NCK1: variants seen among roughly 807,000 people sequenced by gnomAD.
NCK1 encodes the protein SH2/SH3 adapter protein NCK1.
Under a neutral mutation model 36.6 loss-of-function variants are expected in NCK1, and 19 were observed. The ratio of observed to expected loss-of-function variants is 0.52; its 90% CI spans 0.36 to 0.76. The LOEUF is 0.76. Ranked by LOEUF, NCK1 falls within the 30% of genes least tolerant of loss-of-function variation. NCK1 has a pLI of 0.00. For missense variants in NCK1, 358 were observed against 445.6 expected (o/e 0.80, Z 1.77); for synonymous variants, 165 against 156.0 (o/e 1.06, Z -0.43).
chr3:136,917,049 A>G (rs1939984671), intron 1 of NCK1, among the ~76,000 whole-genome samples: 1 of 152,232 alleles, frequency 6.6e-6, no homozygotes, highest in Admixed American at 6.5e-5. Flanking sequence ...TTTGTAATTT[A>G]TCAAATGTAT....
At chr3:136,868,302 C>G (rs1560029170) in intron 1 of NCK1, among the ~76,000 whole-genome samples, 1 of 152,130 alleles carries the variant, frequency 6.6e-6, no homozygotes, top group Admixed American at 6.5e-5. Flanking sequence ...ACACCATTAA[C>G]AAAAATAATA....
intron 1 of NCK1, among the ~76,000 whole-genome samples, chr3:136,921,158 A>G (rs1940097584): frequency 6.6e-6 from 1 of 152,240 alleles, no homozygotes; most frequent in Non-Finnish European, 1.5e-5. Context: ...ATCTATTTCC[A>G]GAATAATCTT....
rs576819070 is a variant in NCK1 at position 136,950,036 on chromosome 3, C to A, written c.*1583C>A. Among the ~76,000 whole-genome samples the A allele has an allele frequency of 4.1e-4, 63 of 152,132 alleles. 1 individual carries two copies. The South Asian group carries it at 0.013, about 31-fold the overall frequency. The stretch of plus-strand genomic sequence containing the variant: ...ATTCTATTATTTTTCTAACTCAGTA[C>A]TCCTTTGTTGAGGGTAATTATTAGT... On this transcript the variant is annotated 3_prime_UTR_variant, in exon 4 of 4. Coordinates refer to ENST00000481752, the MANE Select transcript of NCK1 (RefSeq NM_001291999.2).
intron 1 of NCK1, among the ~76,000 whole-genome samples, chr3:136,883,005 G>A (rs1006032864): frequency 7.2e-5 from 11 of 152,042 alleles, no homozygotes; most frequent in East Asian, 1.9e-4. Flanking sequence ...TGCAACCTCC[G>A]CCTCCTGGGT....
chr3:136,867,534 C>T (rs565444170), intron 1 of NCK1: 52 of 151,626 alleles, frequency 3.4e-4, no homozygotes, highest in African/African-American at 1.2e-3. Flanking sequence ...GGGTGAGCCA[C>T]TGTGCCTGGT....
chr3:136,946,349 A>C, intron 3 of NCK1, 54 bp downstream of exon 3: 1 of 1,462,120 alleles, frequency 6.8e-7, no homozygotes, highest in Admixed American at 2.0e-5. Flanking sequence ...TTTTAAAAAA[A>C]AGAGAGAGAG....
intron 1 of NCK1, among the ~76,000 whole-genome samples, chr3:136,924,637 AT>A (rs549021080): frequency 1.6e-3 from 250 of 152,344 alleles, no homozygotes; most frequent in African/African-American, 5.9e-3. Context: ...TGATAATTTA[AT>A]TTTAGTATAA....
At chr3:136,877,871 G>T (rs1938817813) in intron 1 of NCK1, among the ~76,000 whole-genome samples, 1 of 152,096 alleles carries the variant, frequency 6.6e-6, no homozygotes, top group Non-Finnish European at 1.5e-5. Context: ...TTGAAAATCT[G>T]TTTAAGAAGC....
At chr3:136,882,247 A>G (rs1340198732) in intron 1 of NCK1, among the ~76,000 whole-genome samples, 1 of 151,868 alleles carries the variant, frequency 6.6e-6, no homozygotes, top group African/African-American at 2.4e-5. Context: ...TGTGGTTTTG[A>G]TTTGCATTTC....
At chr3:136,930,412 T>C in intron 2 of NCK1, 1 of 1,227,876 alleles carries the variant, frequency 8.1e-7, no homozygotes, top group Non-Finnish European at 1.0e-6. Flanking sequence ...AAGAGAAGCC[T>C]CAGAAAAATT....
chr3:136,863,330 A>G (rs756116416), intron 1 of NCK1, among the ~76,000 whole-genome samples: 18 of 152,240 alleles, frequency 1.2e-4, no homozygotes, highest in Non-Finnish European at 1.9e-4. Context: ...CAAACCAACT[A>G]TAACGATTTC....
At chr3:136,904,537 C>T (rs1320928401) in intron 1 of NCK1, among the ~76,000 whole-genome samples, 1 of 152,162 alleles carries the variant, frequency 6.6e-6, no homozygotes, top group East Asian at 1.9e-4. Context: ...GTTTGATGGG[C>T]GTTCCTTTAT....
At chr3:136,938,541 G>A (rs1302260132) in intron 2 of NCK1, among the ~76,000 whole-genome samples, 2 of 152,034 alleles carry the variant, frequency 1.3e-5, no homozygotes, top group African/African-American at 2.4e-5. Context: ...TTGCATTTTT[G>A]TGCTTGTTGA....
chr3:136,909,147 A>G (rs1167275888), intron 1 of NCK1, among the ~76,000 whole-genome samples: 1 of 152,188 alleles, frequency 6.6e-6, no homozygotes, highest in Non-Finnish European at 1.5e-5. Context: ...TCCTTTATAA[A>G]TCACCCAATC....
At chr3:136,923,839 GAAAAT>G (rs1249563535) in intron 1 of NCK1, among the ~76,000 whole-genome samples, 5 of 152,094 alleles carry the variant, frequency 3.3e-5, no homozygotes, top group Non-Finnish European at 5.9e-5. Context: ...TTTAAAAAGG[GAAAAT>G]AAAGTGATCT....
chr3:136,878,707 CTATTTTT>C (rs758266779), intron 1 of NCK1, among the ~76,000 whole-genome samples: 103,488 of 151,834 alleles, frequency 0.68, 35,566 homozygotes, highest in East Asian at 0.87. Flanking sequence ...CTCAATAAAG[CTATTTTT>C]TTTTAAGAAA....
chr3:136,921,630 T>TA (rs893319635), intron 1 of NCK1, among the ~76,000 whole-genome samples: 56 of 152,368 alleles, frequency 3.7e-4, no homozygotes, highest in African/African-American at 1.3e-3. Flanking sequence ...GGACACTAGT[T>TA]AAAATGGTAA....
At position 136,895,303 on chromosome 3, in the gene NCK1, T is replaced by C. The variant is rs189591681; in HGVS notation, c.-18-32681T>C. Among the ~76,000 whole-genome samples the C allele has an allele frequency of 1.7e-4, 26 of 152,262 alleles. No homozygotes were observed. The East Asian group carries it at 4.6e-3, about 27-fold the overall frequency. On this transcript the variant is annotated intron_variant, in intron 1 of 3. Coordinates refer to ENST00000481752, the MANE Select transcript of NCK1 (RefSeq NM_001291999.2). ...GATAGATGTGTATAAGGCTTTGGTA[T>C]GTTTTTGGTTTATTTTATTATATAT...
chr3:136,893,462 A>G (rs569280590), intron 1 of NCK1, among the ~76,000 whole-genome samples: 84 of 151,956 alleles, frequency 5.5e-4, no homozygotes, highest in African/African-American at 1.8e-3. Context: ...AGAATTGTCT[A>G]TTCACGTCCT....
Sources: gnomAD v4.1 joint callset for allele counts (sites outside exome capture counted in the v4.1 genomes callset) on GRCh38, gnomAD v4.1.1 for gene constraint, MANE v1.5 for transcripts, NCBI Gene and HGNC (gene_info 2026-07-23, HGNC 2026-07-21) for gene names.